Variants in MYT1L observed in about 807,000 individuals in gnomAD.
The protein encoded by MYT1L is myelin transcription factor 1 like.
In MYT1L, 12 loss-of-function variants were observed where a neutral mutation model predicts 126.7. The ratio of observed to expected loss-of-function variants is 0.09; its 90% CI spans 0.06 to 0.15. The LOEUF (loss-of-function observed/expected upper bound fraction) is 0.15, where lower values mean the gene tolerates loss of function less well. Ranked by LOEUF, MYT1L falls within the 10% of genes least tolerant of loss-of-function variation. MYT1L has a pLI of 1.00. For missense variants in MYT1L, 979 were observed against 1,585.2 expected (o/e 0.62, Z 6.49); for synonymous variants, 541 against 604.2 (o/e 0.90, Z 1.53).
chr2:1,834,532 G>A (rs750704808), intron 21 of MYT1L, among the ~76,000 whole-genome samples: 9 of 152,216 alleles, frequency 5.9e-5, no homozygotes, highest in Non-Finnish European at 1.3e-4. Flanking sequence ...TTGGATACGT[G>A]CTACAACCTT....
At chr2:2,201,715 G>GT (rs974190318) in intron 2 of MYT1L, among the ~76,000 whole-genome samples, 4 of 150,574 alleles carry the variant, frequency 2.7e-5, no homozygotes, top group African/African-American at 9.8e-5. Context: ...AAAAAAAATC[G>GT]TAAGTGTTTT....
At position 1,943,392 on chromosome 2, in the gene MYT1L, G is replaced by A. The variant is rs956886067; in HGVS notation, c.153-58C>T. On this transcript the variant is annotated intron_variant, in intron 8 of 24. Coordinates refer to ENST00000647738, the MANE Select transcript of MYT1L (RefSeq NM_001303052.2). The surrounding 1 kb of genome is among the most constrained non-coding windows in gnomAD (Gnocchi z 4.4). ...AGAGAAAAAAAATATCTGTGTTACT[G>A]TCTTTTAAAATCAGACCAATGGGGG... The A allele has an allele frequency of 1.2e-5, 17 of 1,466,208 alleles. No individual in the cohort carries two copies. The African/African-American group carries it at 2.4e-4, about 21-fold the overall frequency. 90.8% of individuals were successfully genotyped at this position (1,466,208 alleles called of 1,614,324 possible).
At chr2:1,868,112 G>A (rs554914358) in intron 18 of MYT1L, among the ~76,000 whole-genome samples, 6 of 152,118 alleles carry the variant, frequency 3.9e-5, no homozygotes, top group South Asian at 2.1e-4. Flanking sequence ...GACTACAGGC[G>A]TGCACCACCA....
chr2:2,020,888 C>G (rs140586239), intron 4 of MYT1L, among the ~76,000 whole-genome samples: 4 of 152,300 alleles, frequency 2.6e-5, no homozygotes, highest in African/African-American at 9.6e-5. Context: ...AAAACAGGAA[C>G]CTGACCCAGT....
At chr2:2,064,088 C>G (rs867748077) in intron 3 of MYT1L, among the ~76,000 whole-genome samples, 6 of 152,136 alleles carry the variant, frequency 3.9e-5, no homozygotes. Flanking sequence ...TATGTGATAT[C>G]TGTATTCTTT....
In MYT1L at chr2:2,124,392, C is replaced by G. The variant is rs2112109; in HGVS notation, c.-304+48480G>C. Among the ~76,000 whole-genome samples, 404 of 152,128 alleles carry G rather than the reference C, an allele frequency of 2.7e-3. 10 individuals carry two copies. The highest frequency in any genetic ancestry group is 0.021 in the Admixed American group (322 of 15,274). On this transcript the variant is annotated intron_variant, in intron 3 of 24. Coordinates refer to ENST00000647738, the MANE Select transcript of MYT1L (RefSeq NM_001303052.2). ...CTCACTGCAACCTCTGCCTCCTGGG[C>G]TAAAGTGATTCTCCTTCCTCAGCCT...
intron 3 of MYT1L, among the ~76,000 whole-genome samples, chr2:2,070,502 A>C (rs1034026939): frequency 6.6e-6 from 1 of 152,176 alleles, no homozygotes; most frequent in African/African-American, 2.4e-5. Context: ...TTCTGGCTTG[A>C]TACTGAGGTT....
At chr2:2,295,693 G>T (rs1040827307) in intron 1 of MYT1L, among the ~76,000 whole-genome samples, 1 of 147,650 alleles carries the variant, frequency 6.8e-6, no homozygotes, top group African/African-American at 2.5e-5. Flanking sequence ...GACAGAGAGA[G>T]AGAGAGAGAG....
chr2:1,901,867 C>T (rs2050386405), intron 14 of MYT1L, among the ~76,000 whole-genome samples: 1 of 152,198 alleles, frequency 6.6e-6, no homozygotes, highest in Middle Eastern at 3.2e-3. Context: ...GCCATGTTGG[C>T]CAGGCTGGTC....
At chr2:1,865,377 C>A (rs1281248342) in intron 18 of MYT1L, among the ~76,000 whole-genome samples, 5 of 152,148 alleles carry the variant, frequency 3.3e-5, no homozygotes. Flanking sequence ...GCCAAAGAGC[C>A]CCGGAGTCAG....
chr2:2,265,355 C>A (rs913153272), intron 2 of MYT1L, among the ~76,000 whole-genome samples: 1 of 151,700 alleles, frequency 6.6e-6, no homozygotes, highest in African/African-American at 2.4e-5. Context: ...TGACATCTAC[C>A]TTTTAAGGTT....
chr2:2,056,783 C>A (rs1279553864), intron 3 of MYT1L, among the ~76,000 whole-genome samples: 1 of 152,164 alleles, frequency 6.6e-6, no homozygotes, highest in Non-Finnish European at 1.5e-5. Flanking sequence ...AGCAGCCAGG[C>A]GGAAGCTCCT....
At chr2:2,164,237 T>C (rs965661078) in intron 3 of MYT1L, among the ~76,000 whole-genome samples, 19 of 152,178 alleles carry the variant, frequency 1.2e-4, no homozygotes, top group African/African-American at 4.6e-4. Flanking sequence ...CTTATAGTTA[T>C]GTCCATATTA....
chr2:2,025,046 C>T (rs554451793), intron 4 of MYT1L, among the ~76,000 whole-genome samples: 49 of 152,344 alleles, frequency 3.2e-4, no homozygotes, highest in African/African-American at 1.1e-3. Flanking sequence ...ACCATTTGTA[C>T]AGTGATTTTT....
At chr2:2,091,157 C>G (rs1357434332) in intron 3 of MYT1L, among the ~76,000 whole-genome samples, 2 of 152,190 alleles carry the variant, frequency 1.3e-5, no homozygotes, top group Admixed American at 6.5e-5. Flanking sequence ...TTGCCCAGAT[C>G]CATCAGAGAA....
At chr2:1,849,775 A>G (rs1438448197) in intron 19 of MYT1L, among the ~76,000 whole-genome samples, 2 of 152,228 alleles carry the variant, frequency 1.3e-5, no homozygotes, top group East Asian at 3.9e-4. Context: ...GGCATTCACA[A>G]TGTGTGCTTT....
Position 2,019,336 on chromosome 2 carries a change from C to A in MYT1L, c.-157-21989G>T, listed in dbSNP as rs1196546174. On this transcript the variant is annotated intron_variant, in intron 4 of 24. Transcript: ENST00000647738. ...CCATGCGAGATGTGACTTATTCCTC[C>A]TTGCCTTCTGCCATGATTGCGAGGC... Among the ~76,000 whole-genome samples the A allele has an allele frequency of 2.6e-5, 4 of 152,188 alleles. No homozygotes were observed. In the East Asian group the frequency reaches 7.7e-4, roughly 29 times the overall value.
chr2:2,116,001 T>C (rs553163853), intron 3 of MYT1L, among the ~76,000 whole-genome samples: 16 of 151,088 alleles, frequency 1.1e-4, no homozygotes, highest in Non-Finnish European at 1.3e-4. Context: ...TGCTGTGCAG[T>C]TGAGGAAGCT....
chr2:2,262,721 G>T (rs1023961996), intron 2 of MYT1L, among the ~76,000 whole-genome samples: 2 of 150,290 alleles, frequency 1.3e-5, no homozygotes, highest in East Asian at 4.0e-4. Flanking sequence ...TATGATTCCT[G>T]CAGCTATAAC....
Sources: allele counts gnomAD v4.1 joint callset (sites outside exome capture counted in the v4.1 genomes callset), GRCh38; gene constraint gnomAD v4.1.1; non-coding constraint Gnocchi (gnomAD v3.1); transcripts MANE v1.5; gene names NCBI Gene and HGNC (gene_info 2026-07-23, HGNC 2026-07-21).